DLG1: variants seen among roughly 807,000 people sequenced by gnomAD.
DLG1 encodes discs large MAGUK scaffold protein 1, also known as disks large homolog 1.
Under a neutral mutation model 123.4 loss-of-function variants are expected in DLG1, and 42 were observed. The ratio of observed to expected loss-of-function variants is 0.34; its 90% CI spans 0.27 to 0.44. The LOEUF (loss-of-function observed/expected upper bound fraction) is 0.44. DLG1 is among the 20% of genes least tolerant of loss of function. The pLI, the probability that DLG1 is intolerant of heterozygous loss-of-function variation, is 1.00. For synonymous variants in DLG1, 317 were observed against 356.2 expected (o/e 0.89, Z 1.24); for missense variants, 942 against 1,082.6 (o/e 0.87, Z 1.82).
chr3:197,055,359 T>C (rs1730945969), intron 23 of DLG1, among the ~76,000 whole-genome samples: 3 of 152,110 alleles, frequency 2.0e-5, no homozygotes, highest in Non-Finnish European at 4.4e-5. Flanking sequence ...TCAGGGATAG[T>C]TTGTTTATTT....
intron 15 of DLG1, among the ~76,000 whole-genome samples, chr3:197,089,413 G>C (rs1756372544): frequency 6.6e-6 from 1 of 151,878 alleles, no homozygotes; most frequent in South Asian, 2.1e-4. Context: ...TACAGTCCCA[G>C]CTACTTGGGG....
At position 197,081,052 on chromosome 3, in the gene DLG1, C is replaced by T. The variant is rs1560525885; in HGVS notation, c.1904G>A (p.Gly635Glu). 1 of 1,612,204 alleles carries T rather than the reference C, an allele frequency of 6.2e-7. No individual in the cohort carries two copies. The highest frequency in any genetic ancestry group is 1.7e-5 in the Admixed American group (1 of 59,892). ...AATGTAGAGATTTCAAATACTCACC[C>T]CTTTATCTCTCGTTTTAGAATTGAA... is the stretch of plus-strand genomic sequence containing the variant. Reference protein sequence around the residue: ...VKFNSKTRDKGQSFNDKRKKN... With the variant: ...VKFNSKTRDKEQSFNDKRKKN... The change falls in exon 17 of 25, where the codon GGG becomes GAG. Residue 635 changes from glycine to glutamate, a missense_variant and splice_region_variant. Physicochemically the swap from Gly to Glu is moderately conservative, Grantham distance 98. Transcript: ENST00000667157.
chr3:197,132,190 C>T (rs1782988468), intron 10 of DLG1, among the ~76,000 whole-genome samples: 1 of 151,508 alleles, frequency 6.6e-6, no homozygotes, highest in South Asian at 2.1e-4. Flanking sequence ...TGTCTGTCTT[C>T]TTACATCTTT....
intron 4 of DLG1, among the ~76,000 whole-genome samples, chr3:197,230,194 G>A (rs982514908): frequency 6.6e-6 from 1 of 152,154 alleles, no homozygotes. Context: ...AAAAAAAGAT[G>A]CTGAGATTAA....
At position 197,185,015 on chromosome 3, in the gene DLG1, C is replaced by T. The variant is rs1714985913; in HGVS notation, c.483+9410G>A. ...ATGCTTCCCAAGTGACTCTTAAGTA[C>T]CTTCAAGTTTGAGAACCACAAACTC... On this transcript the variant is annotated intron_variant, in intron 5 of 24. Transcript: ENST00000667157. Among the ~76,000 whole-genome samples the T allele has an allele frequency of 4.6e-5, 7 of 152,098 alleles. 1 individual carries two copies. The highest frequency in any genetic ancestry group is 4.6e-4 in the Admixed American group (7 of 15,268).
chr3:197,150,807 C>T (rs529970681), intron 5 of DLG1, among the ~76,000 whole-genome samples: 15 of 152,128 alleles, frequency 9.9e-5, no homozygotes, highest in Non-Finnish European at 2.1e-4. Flanking sequence ...CACAGTACCA[C>T]AGCTAAATGA....
chr3:197,186,984 G>A (rs1716437911), intron 5 of DLG1, among the ~76,000 whole-genome samples: 1 of 152,176 alleles, frequency 6.6e-6, no homozygotes, highest in African/African-American at 2.4e-5. Flanking sequence ...CAAAGCTAAT[G>A]TAACGTAAAT....
intron 4 of DLG1, among the ~76,000 whole-genome samples, chr3:197,208,674 CTG>C (rs1729823123): frequency 7.1e-6 from 1 of 140,544 alleles, no homozygotes; most frequent in South Asian, 2.9e-4. Context: ...GACTACACTC[CTG>C]TGTGTGTGGC....
At chr3:197,083,869 C>T (rs1752639203) in intron 16 of DLG1, among the ~76,000 whole-genome samples, 1 of 152,130 alleles carries the variant, frequency 6.6e-6, no homozygotes. Flanking sequence ...GTCCCAGCTA[C>T]TAGCTGAGGT....
rs1417747792 is a variant in DLG1, at chr3:197,065,766, G to C, written c.2142C>G (p.Asp714Glu). 4 of 1,611,938 alleles carry C rather than the reference G, an allele frequency of 2.5e-6. No homozygotes were observed. The highest frequency in any genetic ancestry group is 3.4e-6 in the Non-Finnish European group (4 of 1,178,582). The change falls in exon 21 of 25, where the codon GAC becomes GAG. Residue 714 changes from aspartate (D) to glutamate (E), a missense_variant. By Grantham distance (45) the Asp-to-Glu change is conservative. Coordinates refer to ENST00000667157, the MANE Select transcript of DLG1 (RefSeq NM_001366207.1). The part of the protein sequence containing the change: ...RPVIILGPMK[D>E]RINDDLISEF... Reference sequence around the variant, plus strand: ...CTGAGATCAAGTCATCATTTATCCTGTCTTTCATAGGTCCCAATATGATCA... The same window carrying C: ...CTGAGATCAAGTCATCATTTATCCTCTCTTTCATAGGTCCCAATATGATCA...
intron 9 of DLG1, among the ~76,000 whole-genome samples, chr3:197,136,907 G>A (rs1160839685): frequency 1.3e-5 from 2 of 152,188 alleles, no homozygotes; most frequent in African/African-American, 4.8e-5. Flanking sequence ...TTCCTTCTTA[G>A]TATCTTTTCG....
At chr3:197,247,546 C>A (rs1040014559) in intron 4 of DLG1, among the ~76,000 whole-genome samples, 3 of 152,070 alleles carry the variant, frequency 2.0e-5, no homozygotes, top group Non-Finnish European at 4.4e-5. Flanking sequence ...AAACGGGACT[C>A]TTGTCATTGA....
chr3:197,149,196 A>T (rs1055534570), intron 6 of DLG1, among the ~76,000 whole-genome samples: 8 of 152,146 alleles, frequency 5.3e-5, no homozygotes, highest in Non-Finnish European at 1.2e-4. Flanking sequence ...TGTACCTATT[A>T]GCAGTCACTC....
rs1206695174 is a variant in DLG1, at chr3:197,169,730, T to C, written c.484-19934A>G. Among the ~76,000 whole-genome samples the C allele has an allele frequency of 2.2e-4, 33 of 152,176 alleles. 1 individual carries two copies. Among genetic ancestry groups the C allele is most frequent in the Admixed American group, 2.2e-3 (33 of 15,276 alleles). On this transcript the variant is annotated intron_variant, in intron 5 of 24. Transcript: ENST00000667157. ...AAGGGGGTAAACTGACCTAAGAATA[T>C]ACACAAAGATTCACTACTGTATCTT...
chr3:197,054,489 G>A (rs748819750), intron 23 of DLG1, among the ~76,000 whole-genome samples: 1 of 152,100 alleles, frequency 6.6e-6, no homozygotes, highest in Non-Finnish European at 1.5e-5. Flanking sequence ...AAAACTTGTT[G>A]ATTCTTTCTT....
intron 5 of DLG1, among the ~76,000 whole-genome samples, chr3:197,162,108 C>A (rs1799010574): frequency 6.6e-6 from 1 of 152,152 alleles, no homozygotes; most frequent in Non-Finnish European, 1.5e-5. Context: ...CTACTTTCCT[C>A]TATGCATTCA....
At chr3:197,284,164 T>C (rs1170063814) in intron 3 of DLG1, among the ~76,000 whole-genome samples, 1 of 152,070 alleles carries the variant, frequency 6.6e-6, no homozygotes, top group Non-Finnish European at 1.5e-5. Flanking sequence ...CCCAGCCCCC[T>C]TTCAGTTTTA....
intron 12 of DLG1, among the ~76,000 whole-genome samples, 168 bp from the exon 13 acceptor site, chr3:197,116,251 A>C (rs1407604139): frequency 2.0e-5 from 3 of 152,184 alleles, no homozygotes; most frequent in Non-Finnish European, 4.4e-5. Flanking sequence ...CTAAGCCTAC[A>C]AATCAAAGGA....
chr3:197,190,665 ATTGATCACC>A lies in DLG1; in HGVS notation c.483+3751_483+3759del, dbSNP rs568722276. Among the ~76,000 whole-genome samples the A allele has an allele frequency of 3.2e-4, 49 of 152,286 alleles. No individual in the cohort carries two copies. The East Asian group carries it at 6.6e-3, about 20-fold the overall frequency. On this transcript the variant is annotated intron_variant, in intron 5 of 24. Coordinates refer to ENST00000667157, the MANE Select transcript of DLG1 (RefSeq NM_001366207.1). ...TCTGCGTTCCAATTCACATCCCAAG[ATTGATCACC>A]TTGCATTTAATTACAAGAATCATAT...
Sources: gnomAD v4.1 joint callset for allele counts (sites outside exome capture counted in the v4.1 genomes callset) on GRCh38, gnomAD v4.1.1 for gene constraint, MANE v1.5 for transcripts, NCBI Gene and HGNC (gene_info 2026-07-23, HGNC 2026-07-21) for gene names.